Variants in DPP6 observed in about 807,000 individuals in gnomAD.
The protein encoded by DPP6 is A-type potassium channel modulatory protein DPP6.
Under a neutral mutation model 122.6 loss-of-function variants are expected in DPP6, and 69 were observed. That is an observed-to-expected ratio of 0.56 (90% CI 0.46 to 0.69). The LOEUF is 0.69. Among genes scored for constraint, DPP6 ranks in the 30% least tolerant of loss-of-function variants. The pLI, the probability that DPP6 is intolerant of heterozygous loss-of-function variation, is 0.00. For synonymous variants in DPP6, 418 were observed against 433.1 expected, an observed-to-expected ratio of 0.97 and a Z score of 0.43; for missense variants, 928 against 1,116.9, an observed-to-expected ratio of 0.83 and a Z score of 2.41.
intron 1 of DPP6, among the ~76,000 whole-genome samples, chr7:154,330,448 C>A (rs971187070): frequency 3.3e-5 from 5 of 152,090 alleles, no homozygotes; most frequent in African/African-American, 4.8e-5. Context: ...AGTTATGTCA[C>A]TGTGGGAATA....
chr7:153,822,153 G>A, the DPP6 span, among the ~76,000 whole-genome samples: 2 of 143,476 alleles, frequency 1.4e-5, no homozygotes, highest in Admixed American at 7.1e-5. Flanking sequence ...TGAGCTGCTC[G>A]CAGTGAAAAA....
intron 1 of DPP6, among the ~76,000 whole-genome samples, chr7:154,078,010 C>A (rs191914332): frequency 6.6e-6 from 1 of 152,176 alleles, no homozygotes. Context: ...ATTTCTTTCA[C>A]AAAACCCTGG....
Position 154,760,959 on chromosome 7 carries a change from C to CTA in DPP6, c.884-8458_884-8457insTA, listed in dbSNP as rs1563181284. Among the ~76,000 whole-genome samples the CTA allele has an allele frequency of 6.6e-6, 1 of 151,910 alleles. No individual in the cohort carries two copies. The highest frequency in any genetic ancestry group is 1.9e-4 in the East Asian group (1 of 5,184). The stretch of plus-strand genomic sequence containing the variant: ...AAGCGATTCTCCTGCCTCAGCCTCC[C>CTA]GGATAGCTGGGACTACAGGCGCCTG... On this transcript the variant is annotated intron_variant, in intron 8 of 25. Transcript: ENST00000377770. The surrounding 1 kb of genome is among the most constrained non-coding windows in gnomAD (Gnocchi z 4.5).
chr7:154,250,109 T>TG (rs1802253826), intron 1 of DPP6, among the ~76,000 whole-genome samples: 1 of 152,122 alleles, frequency 6.6e-6, no homozygotes, highest in South Asian at 2.1e-4. Context: ...ACATACCCCC[T>TG]GCTTGCTCAA....
Position 153,964,912 on chromosome 7 carries a change from TC to T in DPP6, c.51+77180del, listed in dbSNP as rs1156452069. On this transcript the variant is annotated intron_variant, in intron 1 of 25. Coordinates refer to the DPP6 transcript ENST00000404039. ...TCCCTTTCTTTCCCTTCTTTTCTTT[TC>T]CTTTCTTTCTTTCTTTCTTTCTTTC... Among the ~76,000 whole-genome samples, 8 of 74,236 alleles carry T rather than the reference TC, an allele frequency of 1.1e-4. 2 individuals carry two copies. Among genetic ancestry groups the T allele is most frequent in the African/African-American group, 6.0e-4 (6 of 9,942 alleles). The allele number at this position is 74,236 out of a possible 152,430, so 48.7% of individuals were successfully genotyped here. A position where few individuals can be genotyped will look rare whatever the true frequency, so the allele number is the denominator to read the frequency against.
At chr7:154,864,675 A>G (rs1386828913) in intron 17 of DPP6, among the ~76,000 whole-genome samples, 1 of 152,256 alleles carries the variant, frequency 6.6e-6, no homozygotes, top group Non-Finnish European at 1.5e-5. Flanking sequence ...TGATAAAACC[A>G]GTTGTGTGGG....
intron 7 of DPP6, among the ~76,000 whole-genome samples, chr7:154,707,837 G>A (rs564858014): frequency 6.6e-6 from 1 of 152,272 alleles, no homozygotes; most frequent in Admixed American, 6.5e-5. Context: ...GCAGCAGACA[G>A]GAGAGAATGA....
intron 1 of DPP6, among the ~76,000 whole-genome samples, chr7:154,110,414 C>T (rs1236260395): frequency 6.6e-6 from 1 of 152,114 alleles, no homozygotes; most frequent in Admixed American, 6.5e-5. Flanking sequence ...CTTGGGTAGT[C>T]AGGGAAGAAT....
In DPP6 at chr7:154,600,321, G is replaced by A. The variant is rs556844267; in HGVS notation, c.627+33405G>A. ...TTTTCGTATTTTTTGTAGACATGGG[G>A]TTTCACCATGTTGGCCAGGCTGGTC... On this transcript the variant is annotated intron_variant, in intron 5 of 25. Transcript: ENST00000377770. Among the ~76,000 whole-genome samples the A allele has an allele frequency of 1.7e-5, 2 of 117,844 alleles. 1 individual carries two copies. The highest frequency in any genetic ancestry group is 5.4e-5 in the African/African-American group (2 of 36,930). The allele number at this position is 117,844 out of a possible 152,430, so 77.3% of individuals were successfully genotyped here.
At chr7:154,442,408 A>T (rs1256914340) in intron 1 of DPP6, among the ~76,000 whole-genome samples, 1 of 152,200 alleles carries the variant, frequency 6.6e-6, no homozygotes, top group Non-Finnish European at 1.5e-5. Context: ...TGCCGGTGAA[A>T]CCAGGCAAGA....
intron 1 of DPP6, among the ~76,000 whole-genome samples, chr7:153,971,151 CAT>C (rs1795997819): frequency 6.6e-6 from 1 of 151,766 alleles, no homozygotes; most frequent in Admixed American, 6.6e-5. Flanking sequence ...ACCAATATCA[CAT>C]ATTTTTTAAA....
chr7:153,995,830 A>G (rs1585149449), intron 1 of DPP6, among the ~76,000 whole-genome samples: 1 of 152,336 alleles, frequency 6.6e-6, no homozygotes, highest in East Asian at 1.9e-4. Context: ...CCTACCTTCA[A>G]GACCTGGATG....
rs762472388 is a variant in DPP6 at position 154,807,012 on chromosome 7, C to T, written c.1566C>T (p.Asn522=). 1.9e-6 allele frequency: 3 copies of T among 1,613,940 alleles called. No homozygotes were observed. Among genetic ancestry groups the T allele is most frequent in the South Asian group, 2.2e-5 (2 of 91,082 alleles). ...CTTCCAGTGCCAACACGGTGGGCAA[C>T]TTCAACAGGCAGTGCCTCTCCTGTG... ...RQLYSANTVG[N]FNRQCLSCDL... The change falls in exon 16 of 26, where the codon AAC becomes AAT. Residue 522 remains asparagine (N), a synonymous_variant. Transcript: ENST00000377770.
At chr7:153,936,243 C>T (rs952111264) in intron 1 of DPP6, among the ~76,000 whole-genome samples, 1 of 104,496 alleles carries the variant, frequency 9.6e-6, no homozygotes, top group Non-Finnish European at 2.0e-5. Flanking sequence ...ACAAGCAGGG[C>T]AGTGATGCAG....
At chr7:154,696,201 G>A (rs1840209124) in intron 7 of DPP6, among the ~76,000 whole-genome samples, 1 of 152,324 alleles carries the variant, frequency 6.6e-6, no homozygotes, top group Admixed American at 6.5e-5. Context: ...TTCTGTGAGA[G>A]CTCTGGGCTT....
chr7:154,466,611 A>G (rs1022964194), intron 2 of DPP6, among the ~76,000 whole-genome samples: 8 of 152,112 alleles, frequency 5.3e-5, no homozygotes, highest in Admixed American at 4.6e-4. Flanking sequence ...TCACCCTCTG[A>G]TCTCATTTAA....
the DPP6 span, among the ~76,000 whole-genome samples, chr7:153,760,563 T>G: frequency 6.6e-6 from 1 of 152,326 alleles, no homozygotes; most frequent in Admixed American, 6.5e-5. Context: ...GGAAATAATC[T>G]GATTCCTTCA....
chr7:154,382,591 TGCGCTCA>T (rs1037258614), intron 1 of DPP6, among the ~76,000 whole-genome samples: 18 of 152,378 alleles, frequency 1.2e-4, no homozygotes, highest in South Asian at 4.1e-4. Context: ...TACTCTGTGC[TGCGCTCA>T]GCGCTCAGCG....
intron 1 of DPP6, among the ~76,000 whole-genome samples, chr7:154,200,713 A>C (rs1799126791): frequency 6.6e-6 from 1 of 152,138 alleles, no homozygotes; most frequent in Non-Finnish European, 1.5e-5. Context: ...TTTCTTTGGA[A>C]GAATAGTGAA....
Sources: gnomAD v4.1 joint callset for allele counts (sites outside exome capture counted in the v4.1 genomes callset) on GRCh38, gnomAD v4.1.1 for gene constraint, Gnocchi (gnomAD v3.1) non-coding constraint, MANE v1.5 for transcripts, NCBI Gene and HGNC (gene_info 2026-07-23, HGNC 2026-07-21) for gene names.